COL11A2: variants seen among roughly 807,000 people sequenced by gnomAD.
The protein encoded by COL11A2 is collagen type XI alpha 2 chain, also known as collagen alpha-2(XI) chain.
A neutral mutation model predicts 273.4 loss-of-function variants in COL11A2; 116 were observed. The ratio of observed to expected loss-of-function variants is 0.42; its 90% CI spans 0.36 to 0.49. The LOEUF is 0.49. Ranked by LOEUF, COL11A2 falls within the 20% of genes least tolerant of loss-of-function variation. The pLI, the probability that COL11A2 is intolerant of heterozygous loss-of-function variation, is 0.00. For missense variants in COL11A2, 1,866 were observed against 2,309.0 expected, an observed-to-expected ratio of 0.81 and a Z score of 3.93; for synonymous variants, 782 against 864.2, an observed-to-expected ratio of 0.90 and a Z score of 1.67.
chr6:33,167,976 C>T lies in COL11A2; in HGVS notation c.3961-124G>A, dbSNP rs1458470659. ...ACACACGTGCATACACAGGGACACG[C>T]GCCGAGGGCCGATTCACAGATGTGC... is the stretch of plus-strand genomic sequence containing the variant. On this transcript the variant is annotated intron_variant, in intron 54 of 65. Coordinates refer to ENST00000341947, the MANE Select transcript of COL11A2 (RefSeq NM_080680.3). This position sits in a 1 kb window ranked among gnomAD's most constrained non-coding sequence, Gnocchi z 6.1. 5.2e-6 allele frequency: 5 copies of T among 970,406 alleles called. No individual in the cohort carries two copies. The highest frequency in any genetic ancestry group is 2.7e-5 in the South Asian group (2 of 73,172). 60.1% of individuals were successfully genotyped at this position (970,406 alleles called of 1,614,324 possible). A position where few individuals can be genotyped will look rare whatever the true frequency, so the allele number is the denominator to read the frequency against.
Position 33,178,532 on chromosome 6 carries a change from A to G in COL11A2, c.1720-44T>C, listed in dbSNP as rs1265601762. On this transcript the variant is annotated intron_variant, in intron 18 of 65. Transcript: ENST00000341947. This position sits in a 1 kb window ranked among gnomAD's most constrained non-coding sequence, Gnocchi z 4.6. Reference sequence around the variant, plus strand: ...CATAAGAGGGGCTTCAGAGCCCCCAACACAGGCAGACACCGAACCTCTGCA... The same window carrying G: ...CATAAGAGGGGCTTCAGAGCCCCCAGCACAGGCAGACACCGAACCTCTGCA... 6.2e-7 allele frequency: 1 copy of G among 1,611,226 alleles called. No homozygotes were observed. Among genetic ancestry groups the G allele is most frequent in the Admixed American group, 1.7e-5 (1 of 59,984 alleles).
chr6:33,163,617 T>C lies in COL11A2; in HGVS notation c.*61A>G. 2 of 1,612,052 alleles carry C rather than the reference T, an allele frequency of 1.2e-6. No individual in the cohort carries two copies. Among genetic ancestry groups the C allele is most frequent in the South Asian group, 2.2e-5 (2 of 91,072 alleles). ...GCCCTCTTGGGAGGTGGCACAGAGC[T>C]GATGTTGTGGGATTCCAGGTGGGCC... On this transcript the variant is annotated 3_prime_UTR_variant, in exon 66 of 66. Transcript: ENST00000341947. This position sits in a 1 kb window ranked among gnomAD's most constrained non-coding sequence, Gnocchi z 4.1.
In COL11A2 at chr6:33,165,952, C is replaced by T; in HGVS notation, c.4461G>A (p.Val1487=). The T allele has an allele frequency of 1.2e-6, 2 of 1,614,030 alleles. No individual in the cohort carries two copies. The highest frequency in any genetic ancestry group is 8.5e-7 in the Non-Finnish European group (1 of 1,180,016). The change falls in exon 62 of 66, where the codon GTG becomes GTA. Residue 1487 remains valine (V), a synonymous_variant. Transcript: ENST00000341947. The surrounding 1 kb of genome is among the most constrained non-coding windows in gnomAD (Gnocchi z 7.7). ...GPGGPKGEKG[V]QGPPGHPGPP... ...TCACCGGGTGTCCTGGAGGGCCCTG[C>T]ACACCCTTCTCTCCCTTGGGTCCGC...
rs369055608 is a variant in COL11A2, at chr6:33,176,971, C to T, written c.2070+21G>A. 45 of 1,607,560 alleles carry T rather than the reference C, an allele frequency of 2.8e-5. No individual in the cohort carries two copies. The highest frequency in any genetic ancestry group is 2.2e-5 in the East Asian group (1 of 44,680). ...GTGGAAGGCCAAGGGGAACTGGATT[C>T]GGAAGTGGGGTCCCACTCACCGGGG... On this transcript the variant is annotated intron_variant, in intron 25 of 65. Coordinates refer to ENST00000341947, the MANE Select transcript of COL11A2 (RefSeq NM_080680.3). This position sits in a 1 kb window ranked among gnomAD's most constrained non-coding sequence, Gnocchi z 4.9.
At chr6:33,180,416 AACAG>A (rs1771564951) in intron 11 of COL11A2, 84 bp from the exon 12 acceptor site, 4 of 1,245,638 alleles carry the variant, frequency 3.2e-6, no homozygotes, top group Non-Finnish European at 3.5e-6. Flanking sequence ...TATCCTCTTC[AACAG>A]AATAAGTGTA....
Position 33,173,284 on chromosome 6 carries a change from C to T in COL11A2, c.2736+64G>A. The T allele has an allele frequency of 6.3e-7, 1 of 1,596,248 alleles. No individual in the cohort carries two copies. Among genetic ancestry groups the T allele is most frequent in the Non-Finnish European group, 8.6e-7 (1 of 1,169,362 alleles). Reference sequence around the variant, plus strand: ...AGAACGTCCCTGTGGGCTTTCCAGACAGCTCTGGGGTTAAAGGGTCTGATG... The same window carrying T: ...AGAACGTCCCTGTGGGCTTTCCAGATAGCTCTGGGGTTAAAGGGTCTGATG... On this transcript the variant is annotated intron_variant, in intron 37 of 65. Transcript: ENST00000341947. The surrounding 1 kb of genome is among the most constrained non-coding windows in gnomAD (Gnocchi z 6.3).
chr6:33,171,583 C>G lies in COL11A2; in HGVS notation c.3151-9G>C, dbSNP rs1196880978. ...ATGGGGCCCTTCTCACCCTGTGGGA[C>G]AGGAGGAAGGAGTCATGGCCTGGAG... On this transcript the variant is annotated splice_polypyrimidine_tract_variant and intron_variant, in intron 42 of 65. Transcript: ENST00000341947. 3 of 1,612,960 alleles carry G rather than the reference C, an allele frequency of 1.9e-6. No homozygotes were observed. The South Asian group carries it at 3.3e-5, about 18-fold the overall frequency.
intron 3 of COL11A2, 115 bp downstream of exon 3, chr6:33,188,863 A>C: frequency 8.6e-7 from 1 of 1,165,040 alleles, no homozygotes; most frequent in Non-Finnish European, 1.3e-6. Flanking sequence ...GGCAGTGGGT[A>C]GGTGTGGTGT....
Position 33,189,624 on chromosome 6 carries a change from G to A in COL11A2, c.83-155C>T, listed in dbSNP as rs996192119. On this transcript the variant is annotated intron_variant, in intron 1 of 65. Coordinates refer to ENST00000341947, the MANE Select transcript of COL11A2 (RefSeq NM_080680.3). This position sits in a 1 kb window ranked among gnomAD's most constrained non-coding sequence, Gnocchi z 5.6. ...ACTTGCTTCTGAACAGTACCTGAAT[G>A]GATGGGAAATGCAAAGGTACCTGGA... Among the ~76,000 whole-genome samples, 1 of 152,188 alleles carries A rather than the reference G, an allele frequency of 6.6e-6. No individual in the cohort carries two copies.
In COL11A2 at chr6:33,173,393, A is replaced by T. The variant is rs765348407; in HGVS notation, c.2691T>A (p.Pro897=). ...FPGPKGPPGP[P]GKDGLPGHPG... is the part of the protein sequence containing the mutation. ...GGTGTCCCGGCAGCCCATCCTTCCC[A>T]GGGGGGCCCTGGAAGGGGTTCAGTT... The change falls in exon 37 of 66, where the codon CCT becomes CCA. Residue 897 remains proline, a synonymous_variant. Transcript: ENST00000341947. This position sits in a 1 kb window ranked among gnomAD's most constrained non-coding sequence, Gnocchi z 6.3. The T allele has an allele frequency of 1.2e-6, 2 of 1,612,822 alleles. No homozygotes were observed. The highest frequency in any genetic ancestry group is 2.2e-5 in the South Asian group (2 of 91,074).
In COL11A2 at chr6:33,190,362, C is replaced by G. The variant is rs1467632117; in HGVS notation, c.83-893G>C. 6.6e-6 allele frequency among the ~76,000 whole-genome samples: 1 copy of G among 152,094 alleles called. No homozygotes were observed. Among genetic ancestry groups the G allele is most frequent in the African/African-American group, 2.4e-5 (1 of 41,400 alleles). ...TCCTGTCTCACCACCCCCACCAACC[C>G]CACCACCTGGGACCCAAAGATTCAA... is the stretch of plus-strand genomic sequence containing the variant. On this transcript the variant is annotated intron_variant, in intron 1 of 65. Coordinates refer to ENST00000341947, the MANE Select transcript of COL11A2 (RefSeq NM_080680.3). This position sits in a 1 kb window ranked among gnomAD's most constrained non-coding sequence, Gnocchi z 4.5.
At chr6:33,180,520 G>T (rs45573432) in intron 11 of COL11A2, 148 bp downstream of exon 11, 54 of 920,312 alleles carry the variant, frequency 5.9e-5, no homozygotes, top group Non-Finnish European at 8.4e-5. Flanking sequence ...ACCAGAGTCT[G>T]CCCTCCTTTC....
rs1157541103 is a variant in COL11A2, at chr6:33,165,262, C to A, written c.4750+287G>T. ...TACTGGGACAACATGTGGTTGCAGG[C>A]GCTCACACAGATTCATCTGTTCAGG... On this transcript the variant is annotated intron_variant, in intron 63 of 65. Transcript: ENST00000341947. This position sits in a 1 kb window ranked among gnomAD's most constrained non-coding sequence, Gnocchi z 7.7. Among the ~76,000 whole-genome samples the A allele has an allele frequency of 6.6e-6, 1 of 152,128 alleles. No individual in the cohort carries two copies. Among genetic ancestry groups the A allele is most frequent in the Non-Finnish European group, 1.5e-5 (1 of 68,022 alleles).
rs753189546 is a variant in COL11A2, at chr6:33,164,482, A to G, written c.4864-9T>C. On this transcript the variant is annotated splice_polypyrimidine_tract_variant and intron_variant, in intron 64 of 65. Transcript: ENST00000341947. The surrounding 1 kb of genome is among the most constrained non-coding windows in gnomAD (Gnocchi z 4.7). ...GAGTCCACGTAAGAGAACTGGAAGGAGAGAGAGGGCTGGCCTCAGAGGGGG... is the reference window on the plus strand; with the variant it reads ...GAGTCCACGTAAGAGAACTGGAAGGGGAGAGAGGGCTGGCCTCAGAGGGGG... 1.3e-6 allele frequency: 2 copies of G among 1,529,990 alleles called. No homozygotes were observed. The highest frequency in any genetic ancestry group is 1.8e-6 in the Non-Finnish European group (2 of 1,133,196). The allele number at this position is 1,529,990 out of a possible 1,614,324, so 94.8% of individuals were successfully genotyped here. A position where few individuals can be genotyped will look rare whatever the true frequency, so the allele number is the denominator to read the frequency against.
chr6:33,181,766 G>A (rs1188964940), intron 8 of COL11A2, among the ~76,000 whole-genome samples: 5 of 151,692 alleles, frequency 3.3e-5, no homozygotes, highest in South Asian at 2.1e-4. Flanking sequence ...AATTACAGGC[G>A]TGAGCCACCA....
Position 33,192,268 on chromosome 6 carries a change from A to T in COL11A2, c.-28T>A. On this transcript the variant is annotated 5_prime_UTR_variant, in exon 1 of 66. Transcript: ENST00000341947. ...CTGAGAAGCCGAAACGCCGGGTCCC[A>T]GGGACCCAGGTCGGCCTGAGACGCT... 1 of 1,549,022 alleles carries T rather than the reference A, an allele frequency of 6.5e-7. No individual in the cohort carries two copies. The highest frequency in any genetic ancestry group is 8.7e-7 in the Non-Finnish European group (1 of 1,146,248).
upstream of COL11A2, among the ~76,000 whole-genome samples, chr6:33,192,913 C>T (rs927795158): frequency 3.9e-5 from 6 of 152,040 alleles, no homozygotes; most frequent in Non-Finnish European, 8.8e-5. Context: ...ATTACAGAGC[C>T]GGGCCGGGGC....
chr6:33,184,965 T>C (rs1468824652), intron 7 of COL11A2, 27 bp downstream of exon 7: 2 of 1,544,398 alleles, frequency 1.3e-6, no homozygotes, highest in Non-Finnish European at 1.8e-6. Flanking sequence ...TGCCCCCAGA[T>C]GGGGTGAGGG....
intron 29 of COL11A2, 80 bp downstream of exon 29, chr6:33,175,936 G>A (rs899479714): frequency 1.3e-6 from 2 of 1,532,512 alleles, no homozygotes; most frequent in Admixed American, 3.3e-5. Flanking sequence ...AGACTCAGGA[G>A]AATAAACCGG....
Sources: gnomAD v4.1 joint callset for allele counts (sites outside exome capture counted in the v4.1 genomes callset) on GRCh38, gnomAD v4.1.1 for gene constraint, Gnocchi (gnomAD v3.1) non-coding constraint, MANE v1.5 for transcripts, NCBI Gene and HGNC (gene_info 2026-07-23, HGNC 2026-07-21) for gene names.